CSMD2: variants seen among roughly 807,000 people sequenced by gnomAD.
CSMD2 encodes the protein CUB and Sushi multiple domains 2, also known as CUB and sushi domain-containing protein 2.
Under a neutral mutation model 398.5 loss-of-function variants are expected in CSMD2, and 130 were observed. That is an observed-to-expected ratio of 0.33 (90% CI 0.28 to 0.38). The LOEUF is 0.38. Ranked by LOEUF, CSMD2 falls within the 10% of genes least tolerant of loss-of-function variation. CSMD2 has a pLI of 1.00. For synonymous variants in CSMD2, 1,828 were observed against 1,908.5 expected (o/e 0.96, Z 1.10); for missense variants, 3,829 against 4,764.9 (o/e 0.80, Z 5.78).
chr1:33,756,724 G>A (rs1357365273), intron 13 of CSMD2, among the ~76,000 whole-genome samples: 2 of 152,014 alleles, frequency 1.3e-5, no homozygotes, highest in African/African-American at 2.4e-5. Context: ...TATGAGAGTT[G>A]GATGGCAAGG....
In CSMD2 at chr1:34,114,763, T is replaced by C. The variant is rs565004422; in HGVS notation, c.188-25570A>G. On this transcript the variant is annotated intron_variant, in intron 1 of 70. Coordinates refer to ENST00000373381, the MANE Select transcript of CSMD2 (RefSeq NM_001281956.2). ...AACCAATTCTAAAGAAATGGAGATC[T>C]ATTAATTATTTGACAAAGAATTCAA... Among the ~76,000 whole-genome samples the C allele has an allele frequency of 1.4e-3, 217 of 152,194 alleles. 1 individual carries two copies. The highest frequency in any genetic ancestry group is 5.0e-3 in the African/African-American group (208 of 41,560).
chr1:33,981,042 G>A (rs548316879), intron 3 of CSMD2, among the ~76,000 whole-genome samples: 18 of 152,184 alleles, frequency 1.2e-4, no homozygotes, highest in East Asian at 1.9e-4. Flanking sequence ...TTGTGGGCCC[G>A]TGAGAGATAC....
At chr1:34,050,851 G>C (rs1653088885) in intron 2 of CSMD2, among the ~76,000 whole-genome samples, 1 of 151,946 alleles carries the variant, frequency 6.6e-6, no homozygotes, top group Admixed American at 6.6e-5. Flanking sequence ...CTACTGAGCT[G>C]AAAATTAATG....
At chr1:33,530,242 G>A (rs1025053865) in intron 64 of CSMD2, among the ~76,000 whole-genome samples, 5 of 152,048 alleles carry the variant, frequency 3.3e-5, no homozygotes, top group Admixed American at 1.3e-4. Context: ...AAAACAACTC[G>A]ATAGCAAGAA....
intron 4 of CSMD2, among the ~76,000 whole-genome samples, chr1:33,921,941 C>A (rs1025382632): frequency 1.3e-5 from 2 of 152,178 alleles, no homozygotes; most frequent in African/African-American, 4.8e-5. Flanking sequence ...AAAGCTGCAA[C>A]TAGGCAGGGA....
intron 13 of CSMD2, among the ~76,000 whole-genome samples, chr1:33,751,232 C>T (rs529675379): frequency 6.6e-6 from 1 of 151,444 alleles, no homozygotes; most frequent in East Asian, 1.9e-4. Flanking sequence ...TGGCATTGAA[C>T]TTTTTGAGAG....
intron 25 of CSMD2, among the ~76,000 whole-genome samples, chr1:33,688,265 A>C (rs994224269): frequency 1.3e-5 from 2 of 152,222 alleles, no homozygotes; most frequent in African/African-American, 4.8e-5. Flanking sequence ...AGACATTGAC[A>C]TGATGAGATG....
chr1:33,800,854 G>T (rs574657138), intron 10 of CSMD2, among the ~76,000 whole-genome samples: 1 of 152,286 alleles, frequency 6.6e-6, no homozygotes, highest in Admixed American at 6.5e-5. Flanking sequence ...GGCTATTAAA[G>T]GGTCCCCCAG....
intron 10 of CSMD2, chr1:33,804,988 C>A (rs1437206627): frequency 1.5e-6 from 1 of 685,442 alleles, no homozygotes; most frequent in Non-Finnish European, 2.7e-6. Context: ...ATTAGAAACA[C>A]TGCTCTGCAC....
At chr1:33,892,028 A>G (rs1042017776) in intron 5 of CSMD2, among the ~76,000 whole-genome samples, 1 of 149,810 alleles carries the variant, frequency 6.7e-6, no homozygotes, top group Non-Finnish European at 1.5e-5. Context: ...GTGCACATGT[A>G]CCCTAAAACT....
intron 2 of CSMD2, among the ~76,000 whole-genome samples, chr1:34,034,294 G>A (rs1436722657): frequency 6.6e-6 from 1 of 151,922 alleles, no homozygotes; most frequent in Non-Finnish European, 1.5e-5. Context: ...GATCAATCGC[G>A]ACATACTAGC....
intron 6 of CSMD2, among the ~76,000 whole-genome samples, chr1:33,831,992 G>A (rs1254622039): frequency 6.6e-6 from 1 of 152,098 alleles, no homozygotes; most frequent in African/African-American, 2.4e-5. Context: ...CCCAATACAG[G>A]AGCACCCGGG....
intron 2 of CSMD2, among the ~76,000 whole-genome samples, chr1:34,075,174 GTCC>G (rs1452619757): frequency 6.6e-6 from 1 of 152,198 alleles, no homozygotes; most frequent in African/African-American, 2.4e-5. Flanking sequence ...GCCGTTCAGT[GTCC>G]TCATTCCTTT....
Position 33,538,414 on chromosome 1 carries a change from G to A in CSMD2, c.9632-805C>T, listed in dbSNP as rs1042715278. Among the ~76,000 whole-genome samples the A allele has an allele frequency of 4.3e-4, 65 of 152,180 alleles. 1 individual carries two copies. The highest frequency in any genetic ancestry group is 3.8e-3 in the Admixed American group (58 of 15,280). ...TTAAAAATTGACTACCAAAGGCAAA[G>A]CTCACCACGATGTCACTTCAAGCAT... is the stretch of plus-strand genomic sequence containing the variant. On this transcript the variant is annotated intron_variant, in intron 60 of 70. Coordinates refer to ENST00000373381, the MANE Select transcript of CSMD2 (RefSeq NM_001281956.2).
In CSMD2 at chr1:33,537,733, C is replaced by T. The variant is rs1329000466; in HGVS notation, c.9632-124G>A. On this transcript the variant is annotated intron_variant, in intron 60 of 70. Transcript: ENST00000373381. This position sits in a 1 kb window ranked among gnomAD's most constrained non-coding sequence, Gnocchi z 4.6. ...CTGGTTGAGCTTGAACTCTGGGAACCGGGGCAGCCCCAGGTAGGTGCTTCC... is the reference window on the plus strand; with the variant it reads ...CTGGTTGAGCTTGAACTCTGGGAACTGGGGCAGCCCCAGGTAGGTGCTTCC... The T allele has an allele frequency of 4.1e-5, 43 of 1,040,008 alleles. No homozygotes were observed. Among genetic ancestry groups the T allele is most frequent in the South Asian group, 8.3e-5 (4 of 48,338 alleles). 64.4% of individuals were successfully genotyped at this position (1,040,008 alleles called of 1,614,324 possible). A position where few individuals can be genotyped will look rare whatever the true frequency, so the allele number is the denominator to read the frequency against.
intron 3 of CSMD2, among the ~76,000 whole-genome samples, chr1:33,990,389 T>C (rs1646509034): frequency 6.6e-6 from 1 of 152,090 alleles, no homozygotes; most frequent in Non-Finnish European, 1.5e-5. Context: ...CTCCTGGAAA[T>C]GGAGTTAGAA....
intron 35 of CSMD2, 21 bp from the exon 36 acceptor site, chr1:33,623,487 ATTG>A (rs766280715): frequency 6.3e-7 from 1 of 1,591,940 alleles, no homozygotes; most frequent in South Asian, 1.1e-5. Flanking sequence ...AGAAGAGTGA[ATTG>A]TTGGTTAGGC....
At chr1:33,801,742 C>T (rs1655630575) in intron 10 of CSMD2, among the ~76,000 whole-genome samples, 1 of 152,098 alleles carries the variant, frequency 6.6e-6, no homozygotes, top group Non-Finnish European at 1.5e-5. Flanking sequence ...TGGACTGTCT[C>T]TCAAAGGGGG....
At chr1:33,686,877 T>C (rs1645078127) in intron 25 of CSMD2, among the ~76,000 whole-genome samples, 1 of 152,244 alleles carries the variant, frequency 6.6e-6, no homozygotes, top group Non-Finnish European at 1.5e-5. Context: ...ACTTACAGCC[T>C]GCTGTGCTTA....
Sources: gnomAD v4.1 joint callset for allele counts (sites outside exome capture counted in the v4.1 genomes callset) on GRCh38, gnomAD v4.1.1 for gene constraint, Gnocchi (gnomAD v3.1) non-coding constraint, MANE v1.5 for transcripts, NCBI Gene and HGNC (gene_info 2026-07-23, HGNC 2026-07-21) for gene names.